Variants in RDX observed in about 807,000 individuals in gnomAD.
The protein encoded by RDX is radixin.
RDX carries 32 observed loss-of-function variants against 83.7 expected under a neutral mutation model. The ratio of observed to expected loss-of-function variants is 0.38; its 90% CI spans 0.29 to 0.51. The LOEUF is 0.51. RDX is among the 20% of genes least tolerant of loss of function. The pLI is 0.87. For synonymous variants in RDX, 229 were observed against 222.7 expected (o/e 1.03, Z -0.25); for missense variants, 600 against 689.9 (o/e 0.87, Z 1.46).
At chr11:110,251,245 T>C (rs1399769709) in intron 9 of RDX, among the ~76,000 whole-genome samples, 3 of 152,210 alleles carry the variant, frequency 2.0e-5, no homozygotes, top group Non-Finnish European at 2.9e-5. Context: ...ATTCCTTGTA[T>C]TAATATGCAA....
chr11:110,220,807 C>T (rs920925577), intron 14 of RDX, among the ~76,000 whole-genome samples: 4 of 149,084 alleles, frequency 2.7e-5, no homozygotes. Context: ...CCCAGAGATT[C>T]TCTTAATGCC....
chr11:110,188,327 A>AATAATAATAATT (rs1863028567), intron 15 of RDX, among the ~76,000 whole-genome samples: 1 of 149,212 alleles, frequency 6.7e-6, no homozygotes, highest in African/African-American at 2.5e-5. Context: ...TAATAATAAT[A>AATAATAATAATT]ATAATAATAA....
chr11:110,280,925 G>T (rs2134425711), intron 1 of RDX, among the ~76,000 whole-genome samples: 1 of 152,326 alleles, frequency 6.6e-6, no homozygotes, highest in Non-Finnish European at 1.5e-5. Flanking sequence ...AGCACTTTGG[G>T]AGGCCGGGGC....
intron 14 of RDX, among the ~76,000 whole-genome samples, chr11:110,215,368 AT>A (rs60357721): frequency 0.051 from 2,133 of 41,632 alleles, 21 homozygotes; most frequent in African/African-American, 0.1. Flanking sequence ...ATCTCAAAAA[AT>A]AAATAAATAA....
chr11:110,215,365 A>AAAT (rs1864004953), intron 14 of RDX, among the ~76,000 whole-genome samples: 4 of 141,778 alleles, frequency 2.8e-5, no homozygotes, highest in African/African-American at 1.1e-4. Context: ...TCCATCTCAA[A>AAAT]AAATAAATAA....
chr11:110,216,377 A>ATT lies in RDX; in HGVS notation c.1748+15494_1748+15495dup, dbSNP rs1449143075. 6.3e-3 allele frequency among the ~76,000 whole-genome samples: 901 copies of ATT among 143,726 alleles called. 16 individuals are homozygous for ATT. The highest frequency in any genetic ancestry group is 0.02 in the African/African-American group (794 of 39,494). The allele number at this position is 143,726 out of a possible 152,430, so 94.3% of individuals were successfully genotyped here. On this transcript the variant is annotated intron_variant, in intron 14 of 15. Coordinates refer to the RDX transcript ENST00000528498. Reference sequence around the variant, plus strand: ...AGTTTGGCTTGCCAAACTTTTTCTAATTTTTTTTTTTTTGAAACAGGGTCT... The same window carrying ATT: ...AGTTTGGCTTGCCAAACTTTTTCTAATTTTTTTTTTTTTTTGAAACAGGGTCT...
chr11:110,231,574 G>A lies in RDX; in HGVS notation c.*295C>T, dbSNP rs760508274. ...AACCACACATACACATTTGTCAGAC[G>A]TGATAATTAGTGTTAATCTTCAACA... On this transcript the variant is annotated 3_prime_UTR_variant, in exon 14 of 14. Coordinates refer to ENST00000645495, the MANE Select transcript of RDX (RefSeq NM_002906.4). The A allele has an allele frequency of 1.4e-4, 58 of 405,662 alleles. No homozygotes were observed. Among genetic ancestry groups the A allele is most frequent in the Non-Finnish European group, 2.1e-4 (46 of 217,474 alleles). 25.1% of individuals were successfully genotyped at this position (405,662 alleles called of 1,614,324 possible). A position where few individuals can be genotyped will look rare whatever the true frequency, so the allele number is the denominator to read the frequency against.
intron 15 of RDX, among the ~76,000 whole-genome samples, chr11:110,197,909 G>A (rs955795887): frequency 9.9e-5 from 15 of 152,212 alleles, no homozygotes; most frequent in Non-Finnish European, 8.8e-5. Flanking sequence ...AGCATTTCAA[G>A]TGGACTTTGA....
chr11:110,259,076 C>T (rs555645093), intron 5 of RDX, among the ~76,000 whole-genome samples: 1 of 152,090 alleles, frequency 6.6e-6, no homozygotes, highest in South Asian at 2.1e-4. Flanking sequence ...CGCCATAATG[C>T]CTGGCTAATT....
intron 1 of RDX, among the ~76,000 whole-genome samples, chr11:110,285,264 A>C (rs978108038): frequency 4.6e-5 from 7 of 151,946 alleles, no homozygotes; most frequent in African/African-American, 1.7e-4. Flanking sequence ...GTGTGCCTGT[A>C]ATCTCAGCTA....
At chr11:110,279,279 C>T (rs1422311360) in intron 2 of RDX, among the ~76,000 whole-genome samples, 1 of 152,168 alleles carries the variant, frequency 6.6e-6, no homozygotes, top group African/African-American at 2.4e-5. Context: ...AAGGTAACAA[C>T]TAAGACAGTT....
chr11:110,237,805 C>CCCTGTCTCAAGAA, intron 10 of RDX, 153 bp from the exon 11 acceptor site: 1 of 875,768 alleles, frequency 1.1e-6, no homozygotes, highest in Non-Finnish European at 1.9e-6. Flanking sequence ...TTTCTTGAGA[C>CCCTGTCTCAAGAA]AGGGTCTCGC....
chr11:110,245,134 G>T (rs1227404007), intron 10 of RDX, among the ~76,000 whole-genome samples: 1 of 151,846 alleles, frequency 6.6e-6, no homozygotes, highest in Non-Finnish European at 1.5e-5. Flanking sequence ...TAATTTTGGT[G>T]GAGATTTACA....
intron 14 of RDX, among the ~76,000 whole-genome samples, chr11:110,222,386 C>T (rs1864279695): frequency 6.6e-6 from 1 of 152,186 alleles, no homozygotes; most frequent in Non-Finnish European, 1.5e-5. Flanking sequence ...CTTAAAAGTA[C>T]ATTAAACTAT....
chr11:110,248,771 C>G (rs1023264820), intron 9 of RDX, among the ~76,000 whole-genome samples: 4 of 152,188 alleles, frequency 2.6e-5, no homozygotes, highest in Admixed American at 6.5e-5. Context: ...AGGGAGCAAA[C>G]AAAGGCATGT....
In RDX at chr11:110,233,548, C is replaced by T. The variant is rs1387602219; in HGVS notation, c.1345-69G>A. ...TAATAATCAAAACAATCAAGTTATACTCCCTTTTTAATAGAAACTGTATTT... is the reference window on the plus strand; with the variant it reads ...TAATAATCAAAACAATCAAGTTATATTCCCTTTTTAATAGAAACTGTATTT... On this transcript the variant is annotated intron_variant, in intron 12 of 13. Coordinates refer to ENST00000645495, the MANE Select transcript of RDX (RefSeq NM_002906.4). 8 of 1,515,676 alleles carry T rather than the reference C, an allele frequency of 5.3e-6. No individual in the cohort carries two copies. In the South Asian group the frequency reaches 5.7e-5, roughly 11 times the overall value. The allele number at this position is 1,515,676 out of a possible 1,614,324, so 93.9% of individuals were successfully genotyped here. A position where few individuals can be genotyped will look rare whatever the true frequency, so the allele number is the denominator to read the frequency against.
intron 14 of RDX, among the ~76,000 whole-genome samples, chr11:110,218,827 G>A (rs1439243167): frequency 6.6e-6 from 1 of 152,132 alleles, no homozygotes; most frequent in Non-Finnish European, 1.5e-5. Flanking sequence ...AGCCTTCCCT[G>A]GAGCTCTGCA....
At position 110,233,094 on chromosome 11, in the gene RDX, A is replaced by G; in HGVS notation, c.1587+143T>C. On this transcript the variant is annotated intron_variant, in intron 13 of 13. Transcript: ENST00000645495. ...CACACAACGGAAGAAATGAAATAAC[A>G]TGACTATAGGCCAAACACCCACAAA... 3.1e-6 allele frequency: 3 copies of G among 964,394 alleles called. No individual in the cohort carries two copies. In the South Asian group the frequency reaches 4.2e-5, roughly 14 times the overall value. 59.7% of individuals were successfully genotyped at this position (964,394 alleles called of 1,614,324 possible).
At chr11:110,235,397 T>G (rs901912268) in intron 12 of RDX, among the ~76,000 whole-genome samples, 2 of 152,198 alleles carry the variant, frequency 1.3e-5, no homozygotes, top group African/African-American at 4.8e-5. Flanking sequence ...TGCCTTTTTG[T>G]GACCACAAAA....
Sources: gnomAD v4.1 joint callset for allele counts (sites outside exome capture counted in the v4.1 genomes callset) on GRCh38, gnomAD v4.1.1 for gene constraint, MANE v1.5 for transcripts, NCBI Gene and HGNC (gene_info 2026-07-23, HGNC 2026-07-21) for gene names.